The following SPSB4 variants were observed in gnomAD, a reference collection of about 807,000 sequenced individuals.
The protein encoded by SPSB4 is splA/ryanodine receptor domain and SOCS box containing 4.
A neutral mutation model predicts 20.9 loss-of-function variants in SPSB4; 21 were observed. That is an observed-to-expected ratio of 1.01 (90% CI 0.71 to 1.45). The LOEUF (loss-of-function observed/expected upper bound fraction) is 1.45, where lower values mean the gene tolerates loss of function less well. Ranked by LOEUF, SPSB4 falls within the 40% of genes most tolerant of loss-of-function variation. The probability of loss-of-function intolerance (pLI) is 0.00; values close to 1 mark genes in which losing one functional copy is unlikely to be tolerated. For synonymous variants in SPSB4, 207 were observed against 183.8 expected, an observed-to-expected ratio of 1.13 and a Z score of -1.02; for missense variants, 399 against 399.2, an observed-to-expected ratio of 1.00 and a Z score of 0.00.
chr3:141,059,106 G>T (rs923625510), intron 1 of SPSB4, among the ~76,000 whole-genome samples: 1 of 152,174 alleles, frequency 6.6e-6, no homozygotes, highest in Non-Finnish European at 1.5e-5. Context: ...GAAAAAAGCA[G>T]ATCAGTAAGG....
chr3:141,130,457 A>G (rs1429289003), intron 2 of SPSB4, among the ~76,000 whole-genome samples: 1 of 152,148 alleles, frequency 6.6e-6, no homozygotes, highest in Non-Finnish European at 1.5e-5. Context: ...TCTCCTCCTC[A>G]TTTCATTCCC....
intron 2 of SPSB4, chr3:141,132,200 C>T (rs1939143877): frequency 2.3e-6 from 1 of 433,224 alleles, no homozygotes; most frequent in Non-Finnish European, 4.6e-6. Context: ...TGGAGTCTCA[C>T]TCGGTTGCCC....
chr3:141,052,489 C>CGCAAAG (rs1936111294), intron 1 of SPSB4, among the ~76,000 whole-genome samples: 3 of 152,236 alleles, frequency 2.0e-5, no homozygotes, highest in Admixed American at 2.0e-4. Context: ...CGAGCCCAAG[C>CGCAAAG]TTGTTATCCA....
intron 2 of SPSB4, among the ~76,000 whole-genome samples, chr3:141,098,407 C>A (rs559750137): frequency 4.6e-5 from 7 of 152,096 alleles, no homozygotes; most frequent in Admixed American, 6.5e-5. Flanking sequence ...GTATGCCAAT[C>A]CAAACATAAA....
rs148052092 is a variant in SPSB4 at position 141,052,587 on chromosome 3, G to A, written c.-154+595G>A. ...GTTCGTCCGGGGTATTCGGAGAGGT[G>A]GAAGTAAAGCACGGGTCACGCAATA... On this transcript the variant is annotated intron_variant, in intron 1 of 2. Transcript: ENST00000310546. Among the ~76,000 whole-genome samples, 69 of 152,296 alleles carry A rather than the reference G, an allele frequency of 4.5e-4. 2 individuals are homozygous for A. The East Asian group carries it at 0.013, about 29-fold the overall frequency.
At position 141,063,224 on chromosome 3, in the gene SPSB4, C is replaced by T. The variant is rs185260681; in HGVS notation, c.-153-2728C>T. ...CTTCCCTGTTATGTGTTTGCCCTTC[C>T]TTTATTTTCAAAATTGTTAAATCAC... On this transcript the variant is annotated intron_variant, in intron 1 of 2. Transcript: ENST00000310546. 8.0e-4 allele frequency among the ~76,000 whole-genome samples: 122 copies of T among 152,274 alleles called. 2 individuals are homozygous for T. The highest frequency in any genetic ancestry group is 2.8e-3 in the African/African-American group (117 of 41,544).
intron 2 of SPSB4, among the ~76,000 whole-genome samples, chr3:141,123,032 C>T (rs1263873816): frequency 6.6e-6 from 1 of 152,334 alleles, no homozygotes; most frequent in Middle Eastern, 3.4e-3. Context: ...ATCAGTCTTG[C>T]TGGGAGCTGC....
At chr3:141,107,981 T>G (rs1938726108) in intron 2 of SPSB4, among the ~76,000 whole-genome samples, 1 of 152,042 alleles carries the variant, frequency 6.6e-6, no homozygotes, top group African/African-American at 2.4e-5. Flanking sequence ...TAAAAGATTT[T>G]TATTTGTCTG....
chr3:141,131,482 C>T (rs375582307), intron 2 of SPSB4, among the ~76,000 whole-genome samples: 3 of 152,006 alleles, frequency 2.0e-5, no homozygotes, highest in African/African-American at 7.2e-5. Context: ...TCCAGCCCCC[C>T]CTTCCCAACC....
rs548421305 is a variant in SPSB4, at chr3:141,145,734, C to T, written c.695-1408C>T. Among the ~76,000 whole-genome samples the T allele has an allele frequency of 3.9e-5, 6 of 152,302 alleles. No individual in the cohort carries two copies. In the East Asian group the frequency reaches 1.2e-3, roughly 29 times the overall value. On this transcript the variant is annotated intron_variant, in intron 2 of 2. Transcript: ENST00000310546. ...ACTGGGGAAACCAGGCCTGTACAAA[C>T]CATACCAGATGCCATGTGACCACCA...
intron 2 of SPSB4, among the ~76,000 whole-genome samples, chr3:141,139,696 G>A (rs771350256): frequency 4.6e-5 from 7 of 152,200 alleles, no homozygotes; most frequent in Non-Finnish European, 1.0e-4. Context: ...AGTTTCTGCC[G>A]AGAGATCAGC....
At position 141,066,021 on chromosome 3, in the gene SPSB4, C is replaced by A. The variant is rs1409433520; in HGVS notation, c.-84C>A. Reference sequence around the variant, plus strand: ...ACCGTCCGGAAGCCTGGTTCCCAGCCCCGTGGCCCATTCCTGGCTACGGGG... The same window carrying A: ...ACCGTCCGGAAGCCTGGTTCCCAGCACCGTGGCCCATTCCTGGCTACGGGG... On this transcript the variant is annotated 5_prime_UTR_variant, in exon 2 of 3. Transcript: ENST00000310546. 3 of 1,257,238 alleles carry A rather than the reference C, an allele frequency of 2.4e-6. No homozygotes were observed. The highest frequency in any genetic ancestry group is 3.1e-6 in the Non-Finnish European group (3 of 953,806). 77.9% of individuals were successfully genotyped at this position (1,257,238 alleles called of 1,614,324 possible). A position where few individuals can be genotyped will look rare whatever the true frequency, so the allele number is the denominator to read the frequency against.
At chr3:141,080,103 A>G (rs1217218009) in intron 2 of SPSB4, among the ~76,000 whole-genome samples, 1 of 152,236 alleles carries the variant, frequency 6.6e-6, no homozygotes, top group Admixed American at 6.5e-5. Context: ...CCCGCTGCTA[A>G]AAAATGGCAT....
At chr3:141,091,665 C>T (rs1428463624) in intron 2 of SPSB4, among the ~76,000 whole-genome samples, 2 of 152,216 alleles carry the variant, frequency 1.3e-5, no homozygotes, top group East Asian at 3.9e-4. Context: ...CCTCTGATCT[C>T]TCTGCCACAG....
At chr3:141,100,545 C>T (rs918874313) in intron 2 of SPSB4, among the ~76,000 whole-genome samples, 3 of 152,244 alleles carry the variant, frequency 2.0e-5, no homozygotes, top group African/African-American at 7.2e-5. Flanking sequence ...ACCCTGTAGA[C>T]ACCTTGATCT....
chr3:141,067,604 A>G lies in SPSB4; in HGVS notation c.694+806A>G, dbSNP rs561422307. Among the ~76,000 whole-genome samples, 22 of 152,328 alleles carry G rather than the reference A, an allele frequency of 1.4e-4. No individual in the cohort carries two copies. The East Asian group carries it at 4.2e-3, about 29-fold the overall frequency. ...TATGGCTTCCTCTCATTTAATATAC[A>G]CAACCATCCGGCAAGATAAAAAGTG... On this transcript the variant is annotated intron_variant, in intron 2 of 2. Coordinates refer to ENST00000310546, the MANE Select transcript of SPSB4 (RefSeq NM_080862.3).
At chr3:141,096,600 CAT>C (rs1445628575) in intron 2 of SPSB4, among the ~76,000 whole-genome samples, 2 of 152,308 alleles carry the variant, frequency 1.3e-5, no homozygotes, top group Admixed American at 6.5e-5. Flanking sequence ...TTTCTAATTC[CAT>C]ACTCTTTGTG....
At chr3:141,137,383 T>C (rs980863098) in intron 2 of SPSB4, among the ~76,000 whole-genome samples, 5 of 151,944 alleles carry the variant, frequency 3.3e-5, no homozygotes, top group African/African-American at 1.2e-4. Context: ...TGAATAGGAG[T>C]GGTGAGAGAG....
intron 2 of SPSB4, among the ~76,000 whole-genome samples, chr3:141,094,816 G>A (rs1024135551): frequency 8.2e-6 from 1 of 122,096 alleles, no homozygotes; most frequent in Non-Finnish European, 1.6e-5. Flanking sequence ...CTCAATCACT[G>A]TCTGGAGGGT....
Sources: allele counts gnomAD v4.1 joint callset (sites outside exome capture counted in the v4.1 genomes callset), GRCh38; gene constraint gnomAD v4.1.1; transcripts MANE v1.5; gene names NCBI Gene and HGNC (gene_info 2026-07-23, HGNC 2026-07-21).